AGBL1: variants seen among roughly 807,000 people sequenced by gnomAD.
The protein encoded by AGBL1 is cytosolic carboxypeptidase 4.
Under a neutral mutation model 118.9 loss-of-function variants are expected in AGBL1, and 130 were observed. That is an observed-to-expected ratio of 1.09 (90% CI 0.95 to 1.26). AGBL1 has a LOEUF of 1.26. Among genes scored for constraint, AGBL1 ranks in the 50% most tolerant of loss-of-function variants. The pLI is 0.00. For missense variants in AGBL1, 1,584 were observed against 1,298.1 expected (o/e 1.22, Z -3.38); for synonymous variants, 555 against 478.9 (o/e 1.16, Z -2.08).
intron 23 of AGBL1, chr15:86,935,056 G>T (rs1000621931): frequency 4.6e-5 from 7 of 152,082 alleles, no homozygotes; most frequent in Admixed American, 1.3e-4. Context: ...GGTCACCTTG[G>T]TCTTGTCCTA....
At chr15:86,983,612 G>C (rs1487646194) in intron 23 of AGBL1, among the ~76,000 whole-genome samples, 2 of 152,052 alleles carry the variant, frequency 1.3e-5, no homozygotes, top group African/African-American at 2.4e-5. Flanking sequence ...GATATCTTTT[G>C]ACAAGTATAT....
chr15:86,935,036 C>T (rs181594496), intron 23 of AGBL1: 5 of 152,296 alleles, frequency 3.3e-5, no homozygotes, highest in African/African-American at 4.8e-5. Context: ...TAAATTTACA[C>T]TGCAGCTGGG....
intron 4 of AGBL1, among the ~76,000 whole-genome samples, chr15:86,156,785 CTTTTCTTTCTTTTTTT>C (rs1312775629): frequency 3.9e-5 from 5 of 128,690 alleles, no homozygotes; most frequent in African/African-American, 1.3e-4. Context: ...TTTCTTTTTT[CTTTTCTTTCTTTTTTT>C]TTTTTTTTTA....
intron 18 of AGBL1, among the ~76,000 whole-genome samples, chr15:86,457,841 G>A (rs2082279772): frequency 2.0e-5 from 3 of 152,122 alleles, no homozygotes; most frequent in African/African-American, 2.4e-5. Context: ...TACTCCAGCC[G>A]TTGCTTCTCA....
intron 21 of AGBL1, among the ~76,000 whole-genome samples, chr15:86,556,813 C>A (rs17619459): frequency 0.029 from 4,383 of 152,130 alleles, 97 homozygotes; most frequent in East Asian, 0.078. Flanking sequence ...TTAAATACAC[C>A]CGTGAGAGGC....
intron 1 of AGBL1, among the ~76,000 whole-genome samples, chr15:86,122,817 T>G (rs1898165625): frequency 6.6e-6 from 1 of 152,134 alleles, no homozygotes. Flanking sequence ...AAGTGGGAGT[T>G]GAACATGTCT....
At chr15:86,667,815 T>C (rs536849819) in intron 21 of AGBL1, among the ~76,000 whole-genome samples, 1 of 152,324 alleles carries the variant, frequency 6.6e-6, no homozygotes, top group East Asian at 1.9e-4. Flanking sequence ...TATGTTTAGC[T>C]CATCATTTTA....
chr15:86,935,084 C>G (rs1045448987), intron 23 of AGBL1: 1 of 152,158 alleles, frequency 6.6e-6, no homozygotes, highest in Non-Finnish European at 1.5e-5. Context: ...ATCCTCCAGG[C>G]TGAACCAGAT....
chr15:87,014,077 T>C (rs551206177), intron 24 of AGBL1, among the ~76,000 whole-genome samples: 3 of 152,352 alleles, frequency 2.0e-5, no homozygotes, highest in Non-Finnish European at 2.9e-5. Flanking sequence ...TAGACACTTA[T>C]TATTTCTTGT....
intron 17 of AGBL1, among the ~76,000 whole-genome samples, chr15:86,304,074 C>T (rs2079798124): frequency 6.6e-6 from 1 of 152,136 alleles, no homozygotes; most frequent in African/African-American, 2.4e-5. Context: ...TACAATCACC[C>T]ATATGTCAGA....
At chr15:86,119,381 T>C (rs2141572884) in intron 1 of AGBL1, among the ~76,000 whole-genome samples, 1 of 152,176 alleles carries the variant, frequency 6.6e-6, no homozygotes, top group South Asian at 2.1e-4. Flanking sequence ...TCCTTCTTGC[T>C]ACTGATGGGC....
chr15:86,406,905 T>G (rs1278889593), intron 18 of AGBL1, among the ~76,000 whole-genome samples: 1 of 152,182 alleles, frequency 6.6e-6, no homozygotes, highest in Non-Finnish European at 1.5e-5. Flanking sequence ...AAGATGAATA[T>G]TTTGTTTATT....
chr15:86,844,152 G>A (rs571198282), intron 22 of AGBL1, among the ~76,000 whole-genome samples: 20 of 152,252 alleles, frequency 1.3e-4, no homozygotes, highest in African/African-American at 4.6e-4. Flanking sequence ...AATTGGGATT[G>A]TTTACAACTT....
At chr15:86,646,562 G>T (rs1385744744) in intron 21 of AGBL1, among the ~76,000 whole-genome samples, 10 of 152,138 alleles carry the variant, frequency 6.6e-5, no homozygotes, top group Admixed American at 6.5e-4. Flanking sequence ...AAGACTCTGT[G>T]CCCTGAGTTT....
intron 22 of AGBL1, among the ~76,000 whole-genome samples, chr15:86,777,013 T>C (rs575067383): frequency 6.6e-6 from 1 of 152,042 alleles, no homozygotes; most frequent in Non-Finnish European, 1.5e-5. Context: ...TTCTAAACAT[T>C]TTAGAGGATT....
chr15:86,141,901 C>G, intron 1 of AGBL1, 103 bp from the exon 2 acceptor site: 1 of 1,186,216 alleles, frequency 8.4e-7, no homozygotes, highest in African/African-American at 1.5e-5. Flanking sequence ...GTTAATCTTT[C>G]TCCATGACAG....
At chr15:86,238,475 G>C (rs73447682) in intron 6 of AGBL1, among the ~76,000 whole-genome samples, 2,373 of 152,236 alleles carry the variant, frequency 0.016, 58 homozygotes, top group African/African-American at 0.053. Context: ...ATGTTTATTT[G>C]CATCTAAGAA....
chr15:86,844,526 T>C (rs1002707902), intron 22 of AGBL1, among the ~76,000 whole-genome samples: 2 of 152,176 alleles, frequency 1.3e-5, no homozygotes, highest in Admixed American at 1.3e-4. Context: ...GAAATCCCTC[T>C]CCGAATATTT....
chr15:86,264,865 C>CT lies in AGBL1; in HGVS notation c.1667+34dup, dbSNP rs1201171412. 10 of 1,526,048 alleles carry CT rather than the reference C, an allele frequency of 6.6e-6. No individual in the cohort carries two copies. The East Asian group carries it at 2.0e-4, about 31-fold the overall frequency. The allele number at this position is 1,526,048 out of a possible 1,614,324, so 94.5% of individuals were successfully genotyped here. A position where few individuals can be genotyped will look rare whatever the true frequency, so the allele number is the denominator to read the frequency against. ...TGATGGCGCTACTGACTTGGGAGCTCTTTTTTTCTGTTCTTTGATAATTTT... is the reference window on the plus strand; with the variant it reads ...TGATGGCGCTACTGACTTGGGAGCTCTTTTTTTTCTGTTCTTTGATAATTTT... On this transcript the variant is annotated intron_variant, in intron 11 of 22. Coordinates refer to ENST00000614907, the MANE Select transcript of AGBL1 (RefSeq NM_001386094.1).
Sources: allele counts gnomAD v4.1 joint callset (sites outside exome capture counted in the v4.1 genomes callset), GRCh38; gene constraint gnomAD v4.1.1; transcripts MANE v1.5; gene names NCBI Gene and HGNC (gene_info 2026-07-23, HGNC 2026-07-21).